AARS1: variants seen among roughly 807,000 people sequenced by gnomAD.
The protein encoded by AARS1 is alanyl-tRNA synthetase 1, also known as alanine--tRNA ligase, cytoplasmic.
A neutral mutation model predicts 108.9 loss-of-function variants in AARS1; 72 were observed. That is an observed-to-expected ratio of 0.66 (90% CI 0.55 to 0.80). The LOEUF is 0.80. AARS1 is among the 30% of genes least tolerant of loss of function. The pLI, the probability that AARS1 is intolerant of heterozygous loss-of-function variation, is 0.00. For missense variants in AARS1, 1,193 were observed against 1,233.2 expected (o/e 0.97, Z 0.49); for synonymous variants, 489 against 465.7 (o/e 1.05, Z -0.64).
chr16:70,276,337 C>G (rs565727176), intron 4 of AARS1, 149 bp downstream of exon 4: 19 of 868,922 alleles, frequency 2.2e-5, no homozygotes, highest in Non-Finnish European at 2.4e-5. Flanking sequence ...TGGGTTCAAG[C>G]GATTCTCTAG....
At chr16:70,289,172 A>G (rs1960961785) in intron 1 of AARS1, among the ~76,000 whole-genome samples, 1 of 150,002 alleles carries the variant, frequency 6.7e-6, no homozygotes, top group Non-Finnish European at 1.5e-5. Flanking sequence ...AAACCAAGGG[A>G]GCTAAAACCC....
intron 8 of AARS1, 93 bp from the exon 9 acceptor site, chr16:70,267,902 T>C (rs970656007): frequency 6.4e-7 from 1 of 1,560,486 alleles, no homozygotes; most frequent in Admixed American, 1.7e-5. Context: ...GTGCAGTGGC[T>C]CACGCCTGTA....
At position 70,253,982 on chromosome 16, in the gene AARS1, G is replaced by C. The variant is rs1485047907; in HGVS notation, c.2457C>G (p.Leu819=). The stretch of plus-strand genomic sequence containing the variant: ...CATCCATGACCTTCTTTAGGGATTT[G>C]AGAGTCTCCCGCAATTCATCCTTCT... The part of the protein sequence containing the change: ...QWQKDELRET[L]KSLKKVMDDL... Residue 819 remains leucine, a synonymous_variant, in exon 18 of 21, where the codon CTC becomes CTG. Transcript: ENST00000261772. The C allele has an allele frequency of 1.9e-6, 3 of 1,614,130 alleles. No individual in the cohort carries two copies. Among genetic ancestry groups the C allele is most frequent in the East Asian group, 2.2e-5 (1 of 44,860 alleles).
intron 7 of AARS1, among the ~76,000 whole-genome samples, chr16:70,269,147 G>A (rs1960332352): frequency 6.6e-6 from 1 of 151,586 alleles, no homozygotes. Flanking sequence ...AACATGGAAG[G>A]AACCCCATCT....
Position 70,262,884 on chromosome 16 carries a change from C to T in AARS1, c.1493-360G>A, listed in dbSNP as rs555498665. ...TCAGGAGGCTGAGGCAGAAGAATGG[C>T]GTGAACCCAGGAGGCGGAGCTTGCA... On this transcript the variant is annotated intron_variant, in intron 11 of 20. Coordinates refer to ENST00000261772, the MANE Select transcript of AARS1 (RefSeq NM_001605.3). Among the ~76,000 whole-genome samples the T allele has an allele frequency of 4.9e-4, 68 of 139,170 alleles. 1 individual carries two copies. The highest frequency in any genetic ancestry group is 1.5e-3 in the African/African-American group (58 of 37,848). 91.3% of individuals were successfully genotyped at this position (139,170 alleles called of 152,430 possible). A position where few individuals can be genotyped will look rare whatever the true frequency, so the allele number is the denominator to read the frequency against.
Position 70,267,698 on chromosome 16 carries a change from T to G in AARS1, c.1183A>C (p.Arg395=). Residue 395 remains arginine, a synonymous_variant, in exon 9 of 21, where the codon AGG becomes CGG. Coordinates refer to ENST00000261772, the MANE Select transcript of AARS1 (RefSeq NM_001605.3). ...CTGTCTCCCAGGCTCTGAATTTTCCTGTCCAGGATGCGACGCCCTCTGCTG... is the reference window on the plus strand; with the variant it reads ...CTGTCTCCCAGGCTCTGAATTTTCCGGTCCAGGATGCGACGCCCTCTGCTG... The part of the protein sequence containing the change: ...TLSRGRRILD[R]KIQSLGDSKT... The G allele has an allele frequency of 6.2e-7, 1 of 1,614,144 alleles. No homozygotes were observed. The highest frequency in any genetic ancestry group is 8.5e-7 in the Non-Finnish European group (1 of 1,180,028).
At chr16:70,280,345 T>C (rs964305317) in intron 2 of AARS1, among the ~76,000 whole-genome samples, 1 of 152,096 alleles carries the variant, frequency 6.6e-6, no homozygotes, top group African/African-American at 2.4e-5. Flanking sequence ...GCCTCCCAAG[T>C]AGCATAATTT....
rs747635947 is a variant in AARS1, at chr16:70,282,766, T to A, written c.-3A>T. On this transcript the variant is annotated 5_prime_UTR_variant, in exon 2 of 21. Transcript: ENST00000261772. ...CTTGCTGTTAGAGTAGAGTCCATCT[T>A]GAAAGTCACCCCAAAGAACTAATCA... is the stretch of plus-strand genomic sequence containing the variant. The A allele has an allele frequency of 6.2e-7, 1 of 1,614,002 alleles. No individual in the cohort carries two copies. The highest frequency in any genetic ancestry group is 8.5e-7 in the Non-Finnish European group (1 of 1,179,992).
intron 5 of AARS1, among the ~76,000 whole-genome samples, chr16:70,271,536 CA>C (rs199620449): frequency 4.0e-4 from 51 of 126,888 alleles, no homozygotes; most frequent in East Asian, 9.2e-4. Context: ...CTCAAAAAAA[CA>C]AAAAAAAAAA....
Position 70,258,873 on chromosome 16 carries a change from G to A in AARS1, c.1992+107C>T, listed in dbSNP as rs193051780. ...CCCAGCCTGCTTTAAGCAAATCTAC[G>A]TGCAGGACGAATCTGATACAACAGA... is the stretch of plus-strand genomic sequence containing the variant. On this transcript the variant is annotated intron_variant, in intron 14 of 20. Coordinates refer to ENST00000261772, the MANE Select transcript of AARS1 (RefSeq NM_001605.3). 1.4e-3 allele frequency: 1,916 copies of A among 1,331,554 alleles called. 30 individuals are homozygous for A. The Admixed American group carries it at 0.031, about 22-fold the overall frequency. The allele number at this position is 1,331,554 out of a possible 1,614,324, so 82.5% of individuals were successfully genotyped here.
Position 70,268,323 on chromosome 16 carries a change from T to C in AARS1, c.1019A>G (p.Asn340Ser), listed in dbSNP as rs140135726. The C allele has an allele frequency of 2.2e-4, 359 of 1,614,076 alleles. No individual in the cohort carries two copies. Among genetic ancestry groups the C allele is most frequent in the Non-Finnish European group, 2.9e-4 (340 of 1,180,040 alleles). The change falls in exon 8 of 21, where the codon AAT becomes AGT. Residue 340 changes from asparagine (N) to serine (S), a missense_variant. Physicochemically the swap from Asn to Ser is conservative, Grantham distance 46. Coordinates refer to ENST00000261772, the MANE Select transcript of AARS1 (RefSeq NM_001605.3). ...CGTAGCAAAGAAGCCCCTGCTGGCA[T>C]TGAGCTTTTCATGGGCGTATCGGAC... ...RAVRYAHEKL[N>S]ASRGFFATLV... is the part of the protein sequence containing the mutation.
intron 2 of AARS1, among the ~76,000 whole-genome samples, chr16:70,278,163 C>T (rs1460413879): frequency 6.6e-6 from 1 of 152,006 alleles, no homozygotes; most frequent in Non-Finnish European, 1.5e-5. Context: ...AGGATTCCTT[C>T]GAGCCCAGAG....
chr16:70,257,198 A>G (rs1346037685), intron 15 of AARS1, among the ~76,000 whole-genome samples: 1 of 151,928 alleles, frequency 6.6e-6, no homozygotes, highest in East Asian at 1.9e-4. Flanking sequence ...GCAGTTAGCC[A>G]AGATTGCGCC....
At chr16:70,280,082 A>C (rs922228436) in intron 2 of AARS1, among the ~76,000 whole-genome samples, 2 of 151,628 alleles carry the variant, frequency 1.3e-5, no homozygotes. Flanking sequence ...ATTTTTCTTT[A>C]ATTTTTCTCT....
At chr16:70,280,939 C>G (rs918167619) in intron 2 of AARS1, among the ~76,000 whole-genome samples, 10 of 152,096 alleles carry the variant, frequency 6.6e-5, no homozygotes, top group Admixed American at 6.6e-4. Context: ...GCAATCGTCC[C>G]GCCTCAGCCT....
rs1202489123 is a variant in AARS1, at chr16:70,262,457, G to A, written c.1560C>T (p.Ser520=). The part of the protein sequence containing the change: ...RREKMFVEEV[S]TGQECGVVLD... ...GCACCACTCCACACTCCTGGCCTGT[G>A]GACACCTCTTCCACGAACATCTTCT... Residue 520 remains serine, a synonymous_variant, in exon 12 of 21, where the codon TCC becomes TCT. Coordinates refer to ENST00000261772, the MANE Select transcript of AARS1 (RefSeq NM_001605.3). The A allele has an allele frequency of 1.2e-6, 2 of 1,614,104 alleles. No homozygotes were observed. Among genetic ancestry groups the A allele is most frequent in the Admixed American group, 1.7e-5 (1 of 60,004 alleles).
At chr16:70,285,942 C>T (rs1196000338) in intron 1 of AARS1, among the ~76,000 whole-genome samples, 3 of 152,186 alleles carry the variant, frequency 2.0e-5, no homozygotes, top group Non-Finnish European at 4.4e-5. Context: ...TTCCAAAAGA[C>T]ACATGAATTT....
chr16:70,264,937 G>A, intron 11 of AARS1, 21 bp downstream of exon 11: 1 of 1,613,998 alleles, frequency 6.2e-7, no homozygotes, highest in South Asian at 1.1e-5. Flanking sequence ...GCTCAGATGT[G>A]GAAGGAGCAC....
At chr16:70,255,194 A>AT (rs946837808) in intron 16 of AARS1, among the ~76,000 whole-genome samples, 27,164 of 104,266 alleles carry the variant, frequency 0.26, 4,742 homozygotes, top group Non-Finnish European at 0.35. Context: ...CCAGATTCAC[A>AT]TTTTTTTTTT....
Sources: gnomAD v4.1 joint callset for allele counts (sites outside exome capture counted in the v4.1 genomes callset) on GRCh38, gnomAD v4.1.1 for gene constraint, MANE v1.5 for transcripts, NCBI Gene and HGNC (gene_info 2026-07-23, HGNC 2026-07-21) for gene names.